Variants in BLTP2 observed in about 807,000 individuals in gnomAD.
BLTP2 encodes U937-associated antigen.
the BLTP2 span, chr17:28,614,461 CTTTT>C: frequency 2.4e-6 from 1 of 420,616 alleles, no homozygotes; most frequent in Admixed American, 4.1e-5. Context: ...TTTAAAATAT[CTTTT>C]TTTTTCTCTT....
At chr17:28,635,892 G>T in the BLTP2 span, 3 of 350,562 alleles carry the variant, frequency 8.6e-6, no homozygotes, top group Non-Finnish European at 1.6e-5. Flanking sequence ...TAATTCTTTG[G>T]TATCTACCAT....
the BLTP2 span, chr17:28,641,933 A>G: frequency 1.2e-6 from 2 of 1,614,088 alleles, no homozygotes; most frequent in Non-Finnish European, 1.7e-6. Context: ...GCCCTGGCAC[A>G]GCAGTTGGCT....
chr17:28,617,245 T>C, the BLTP2 span: 99 of 1,613,954 alleles, frequency 6.1e-5, no homozygotes, highest in Non-Finnish European at 7.1e-5. Context: ...ATAGACAGCA[T>C]TGGGGAGGAG....
chr17:28,640,712 C>T, the BLTP2 span: 4,409 of 1,611,176 alleles, frequency 2.7e-3, 98 homozygotes, highest in African/African-American at 0.052. Flanking sequence ...AACGTAAGAA[C>T]CATCAATTCT....
At chr17:28,634,922 T>G in the BLTP2 span, 1 of 1,613,928 alleles carries the variant, frequency 6.2e-7, no homozygotes, top group South Asian at 1.1e-5. Context: ...TCATGAAGTT[T>G]CACCTCAAAA....
the BLTP2 span, chr17:28,635,872 C>T: frequency 1.3e-5 from 5 of 395,482 alleles, no homozygotes; most frequent in African/African-American, 6.1e-5. Context: ...AAAATAGGGG[C>T]CATGTGTCTT....
the BLTP2 span, among the ~76,000 whole-genome samples, chr17:28,625,464 T>C: frequency 6.6e-6 from 1 of 152,142 alleles, no homozygotes; most frequent in African/African-American, 2.4e-5. Flanking sequence ...CCCTAAGCTT[T>C]TAGACTCTAA....
the BLTP2 span, chr17:28,632,922 G>C: frequency 3.4e-6 from 5 of 1,480,852 alleles, no homozygotes; most frequent in African/African-American, 1.4e-5. Context: ...CCTCCCCACT[G>C]CCCCAGGCCC....
chr17:28,636,925 A>G, the BLTP2 span: 1 of 1,559,994 alleles, frequency 6.4e-7, no homozygotes, highest in Non-Finnish European at 8.8e-7. Flanking sequence ...TAAGCTGAGG[A>G]AAAAACCAGC....
At chr17:28,636,924 G>A in the BLTP2 span, 1 of 1,551,672 alleles carries the variant, frequency 6.4e-7, no homozygotes, top group Non-Finnish European at 8.9e-7. Context: ...CTAAGCTGAG[G>A]AAAAAACCAG....
the BLTP2 span, chr17:28,616,255 C>G: frequency 6.3e-7 from 1 of 1,597,024 alleles, no homozygotes. This position sits in a 1 kb window ranked among gnomAD's most constrained non-coding sequence, Gnocchi z 4.8. Flanking sequence ...ACTCAGGACC[C>G]CAAACATCTC....
chr17:28,629,827 C>T, the BLTP2 span, among the ~76,000 whole-genome samples: 1 of 152,036 alleles, frequency 6.6e-6, no homozygotes, highest in Admixed American at 6.5e-5. Flanking sequence ...GTTGGCCAGT[C>T]TGGTCTCAAA....
At chr17:28,618,788 T>TA in the BLTP2 span, 1 of 1,611,852 alleles carries the variant, frequency 6.2e-7, no homozygotes, top group Non-Finnish European at 8.5e-7. Context: ...ATACCCCAGA[T>TA]ACCTTGCTGT....
At chr17:28,638,432 A>G in the BLTP2 span, 1 of 1,611,438 alleles carries the variant, frequency 6.2e-7, no homozygotes. Flanking sequence ...AAAGGTGAGA[A>G]AGAGGGATTG....
the BLTP2 span, chr17:28,641,782 T>A: frequency 2.0e-6 from 2 of 990,990 alleles, no homozygotes; most frequent in Non-Finnish European, 3.0e-6. Context: ...AAGTCCATGG[T>A]GACTAGTGAA....
chr17:28,617,130 TCAC>T, the BLTP2 span: 5 of 1,205,052 alleles, frequency 4.1e-6, no homozygotes, highest in South Asian at 1.3e-5. Flanking sequence ...CCCTCTCAGA[TCAC>T]CACATTGTTT....
At chr17:28,631,787 G>A in the BLTP2 span, 1 of 1,605,328 alleles carries the variant, frequency 6.2e-7, no homozygotes, top group Non-Finnish European at 8.5e-7. Context: ...CAAGGAACAG[G>A]ATAGGAGAAA....
chr17:28,637,086 G>A, the BLTP2 span: 17 of 1,613,986 alleles, frequency 1.1e-5, no homozygotes, highest in South Asian at 8.8e-5. Flanking sequence ...TTTCACCAGC[G>A]CTAACACAAG....
chr17:28,615,927 T>G, the BLTP2 span: 1 of 1,120,228 alleles, frequency 8.9e-7, no homozygotes, highest in Non-Finnish European at 1.3e-6. Context: ...GATTTCCCCT[T>G]ACCTCAGCCT....
Sources: gnomAD v4.1 joint callset for allele counts (sites outside exome capture counted in the v4.1 genomes callset) on GRCh38, gnomAD v4.1.1 for gene constraint, Gnocchi (gnomAD v3.1) non-coding constraint, MANE v1.5 for transcripts, NCBI Gene and HGNC (gene_info 2026-07-23, HGNC 2026-07-21) for gene names.